IMMP2L: variants seen among roughly 807,000 people sequenced by gnomAD.
IMMP2L encodes the protein inner mitochondrial membrane peptidase subunit 2, also known as mitochondrial inner membrane protease subunit 2.
Under a neutral mutation model 19.3 loss-of-function variants are expected in IMMP2L, and 18 were observed. The observed-to-expected ratio is 0.93, with a 90% CI of 0.64 to 1.38. The LOEUF (loss-of-function observed/expected upper bound fraction) is 1.38. Among genes scored for constraint, IMMP2L ranks in the 40% most tolerant of loss-of-function variants. IMMP2L has a pLI of 0.00. For synonymous variants in IMMP2L, 76 were observed against 73.0 expected, an observed-to-expected ratio of 1.04 and a Z score of -0.21; for missense variants, 233 against 218.2, an observed-to-expected ratio of 1.07 and a Z score of -0.43.
At chr7:111,066,136 G>A (rs971659987) in intron 3 of IMMP2L, among the ~76,000 whole-genome samples, 10 of 151,948 alleles carry the variant, frequency 6.6e-5, no homozygotes, top group African/African-American at 7.2e-5. Flanking sequence ...ACGTCACCAC[G>A]CCTGGCAAAT....
intron 3 of IMMP2L, among the ~76,000 whole-genome samples, chr7:111,202,624 CTG>C (rs1486520202): frequency 6.6e-6 from 1 of 152,186 alleles, no homozygotes; most frequent in African/African-American, 2.4e-5. Flanking sequence ...TTCACAGAGA[CTG>C]GCTAAAACAG....
At chr7:111,495,305 T>G (rs1393880468) in intron 2 of IMMP2L, among the ~76,000 whole-genome samples, 1 of 152,126 alleles carries the variant, frequency 6.6e-6, no homozygotes, top group Non-Finnish European at 1.5e-5. Context: ...GAACATATAT[T>G]TAGTTTGTAT....
chr7:111,341,473 T>C (rs1033839299), intron 3 of IMMP2L, among the ~76,000 whole-genome samples: 4 of 152,080 alleles, frequency 2.6e-5, no homozygotes, highest in South Asian at 2.1e-4. Context: ...ATACACCAAA[T>C]GAGACTTTCA....
chr7:110,898,893 G>T (rs1811586967), intron 4 of IMMP2L, among the ~76,000 whole-genome samples: 1 of 151,144 alleles, frequency 6.6e-6, no homozygotes, highest in Non-Finnish European at 1.5e-5. Flanking sequence ...TAGGTGGGAA[G>T]CTCAGGAAAC....
intron 5 of IMMP2L, among the ~76,000 whole-genome samples, chr7:110,734,659 G>C (rs1796496333): frequency 6.6e-6 from 1 of 152,144 alleles, no homozygotes; most frequent in Admixed American, 6.5e-5. Flanking sequence ...AAAAGTGAAA[G>C]AGGAGAAAGG....
At chr7:110,915,725 A>C (rs1813536440) in intron 4 of IMMP2L, among the ~76,000 whole-genome samples, 1 of 152,192 alleles carries the variant, frequency 6.6e-6, no homozygotes, top group Admixed American at 6.6e-5. Flanking sequence ...AAATCATCAC[A>C]CTGTACACTT....
intron 3 of IMMP2L, among the ~76,000 whole-genome samples, chr7:111,136,230 C>T (rs558072495): frequency 6.6e-6 from 1 of 152,018 alleles, no homozygotes; most frequent in African/African-American, 2.4e-5. Flanking sequence ...GTTTCACCAT[C>T]TTGGCCAGGC....
chr7:110,951,685 T>G (rs762724675), intron 4 of IMMP2L, among the ~76,000 whole-genome samples: 2 of 152,078 alleles, frequency 1.3e-5, no homozygotes, highest in Non-Finnish European at 2.9e-5. Flanking sequence ...TTACACAGCT[T>G]TGTATGGAAC....
chr7:111,130,207 T>G (rs1208361719), intron 3 of IMMP2L, among the ~76,000 whole-genome samples: 2 of 152,276 alleles, frequency 1.3e-5, no homozygotes, highest in East Asian at 1.9e-4. Flanking sequence ...CTCACAGATA[T>G]GTCAATACGA....
intron 3 of IMMP2L, among the ~76,000 whole-genome samples, chr7:111,006,375 T>A (rs924137359): frequency 6.6e-6 from 1 of 152,180 alleles, no homozygotes; most frequent in African/African-American, 2.4e-5. Context: ...TATTTTATAA[T>A]GCATAATTGG....
intron 3 of IMMP2L, among the ~76,000 whole-genome samples, chr7:111,426,981 TA>T (rs1225154713): frequency 6.6e-6 from 1 of 151,186 alleles, no homozygotes; most frequent in Admixed American, 6.6e-5. Context: ...ATTTTATGAG[TA>T]TAGTTACAAA....
At chr7:111,194,730 T>C (rs1364528298) in intron 3 of IMMP2L, among the ~76,000 whole-genome samples, 1 of 152,182 alleles carries the variant, frequency 6.6e-6, no homozygotes, top group Non-Finnish European at 1.5e-5. Context: ...TATTGCTTTA[T>C]AAAATTTCCT....
At chr7:110,883,212 T>G (rs947242475) in intron 5 of IMMP2L, among the ~76,000 whole-genome samples, 1 of 152,154 alleles carries the variant, frequency 6.6e-6, no homozygotes, top group Admixed American at 6.6e-5. Context: ...CGTGAAAAAT[T>G]TTTTGTACTT....
At chr7:111,045,765 A>C (rs1482971072) in intron 3 of IMMP2L, among the ~76,000 whole-genome samples, 1 of 152,238 alleles carries the variant, frequency 6.6e-6, no homozygotes, top group Non-Finnish European at 1.5e-5. Context: ...AAAGGAATGC[A>C]GCCTTGCTGA....
chr7:110,962,855 T>C (rs1819111894), intron 4 of IMMP2L: 2 of 1,297,720 alleles, frequency 1.5e-6, no homozygotes, highest in Non-Finnish European at 1.9e-6. Context: ...CCACATTGTA[T>C]AGGCCTGGCT....
intron 3 of IMMP2L, among the ~76,000 whole-genome samples, chr7:111,476,556 A>AAG (rs1841742276): frequency 6.6e-6 from 1 of 152,096 alleles, no homozygotes; most frequent in Non-Finnish European, 1.5e-5. Context: ...TCCTCTTCTT[A>AAG]AGATCTTTCA....
chr7:111,445,243 A>C (rs1331724388), intron 3 of IMMP2L, among the ~76,000 whole-genome samples: 3 of 152,212 alleles, frequency 2.0e-5, no homozygotes, highest in East Asian at 3.9e-4. Context: ...TTGGGCAGAC[A>C]AACTGTGGGG....
chr7:111,468,200 A>G (rs1321224756), intron 3 of IMMP2L, among the ~76,000 whole-genome samples: 1 of 152,170 alleles, frequency 6.6e-6, no homozygotes, highest in Non-Finnish European at 1.5e-5. Context: ...TAACCAAGAT[A>G]ATCTGCTATA....
chr7:111,406,761 C>T (rs1442543649), intron 3 of IMMP2L, among the ~76,000 whole-genome samples: 1 of 152,006 alleles, frequency 6.6e-6, no homozygotes, highest in Non-Finnish European at 1.5e-5. Flanking sequence ...TTCTATATCC[C>T]TGTTAATAGG....
Sources: gnomAD v4.1 joint callset for allele counts (sites outside exome capture counted in the v4.1 genomes callset) on GRCh38, gnomAD v4.1.1 for gene constraint, MANE v1.5 for transcripts, NCBI Gene and HGNC (gene_info 2026-07-23, HGNC 2026-07-21) for gene names.